LINGO2: variants seen among roughly 807,000 people sequenced by gnomAD.
LINGO2 encodes the protein leucine-rich repeat and immunoglobulin-like domain-containing nogo receptor-interacting protein 2.
LINGO2 carries 14 observed loss-of-function variants against 30.6 expected under a neutral mutation model. The ratio of observed to expected loss-of-function variants is 0.46; its 90% CI spans 0.30 to 0.72. LINGO2 has a LOEUF of 0.72. Among genes scored for constraint, LINGO2 ranks in the 30% least tolerant of loss-of-function variants. LINGO2 has a pLI of 0.07. For missense variants in LINGO2, 729 were observed against 751.7 expected, an observed-to-expected ratio of 0.97 and a Z score of 0.35; for synonymous variants, 317 against 288.5, an observed-to-expected ratio of 1.10 and a Z score of -1.00.
chr9:28,815,559 A>C, the LINGO2 span, among the ~76,000 whole-genome samples: 11 of 152,142 alleles, frequency 7.2e-5, no homozygotes, highest in South Asian at 2.3e-3. Flanking sequence ...CAAGGCTAAC[A>C]CTCACCTCTA....
At chr9:28,403,051 A>T (rs1020364414) in intron 2 of LINGO2, among the ~76,000 whole-genome samples, 3 of 152,180 alleles carry the variant, frequency 2.0e-5, no homozygotes, top group African/African-American at 7.2e-5. Context: ...AATAAATGAG[A>T]TAACACATGT....
chr9:28,318,200 T>A (rs1824913810), intron 3 of LINGO2, among the ~76,000 whole-genome samples: 1 of 152,110 alleles, frequency 6.6e-6, no homozygotes, highest in Non-Finnish European at 1.5e-5. Context: ...ACCTAAGAAA[T>A]GCAAAGGAAA....
the LINGO2 span, among the ~76,000 whole-genome samples, chr9:29,117,977 T>G: frequency 7.2e-5 from 11 of 152,312 alleles, no homozygotes; most frequent in South Asian, 2.1e-4. Context: ...TATCAGGATC[T>G]CAGATCGCTG....
the LINGO2 span, among the ~76,000 whole-genome samples, chr9:28,867,639 C>T: frequency 6.6e-6 from 1 of 152,116 alleles, no homozygotes; most frequent in Non-Finnish European, 1.5e-5. Flanking sequence ...TGTATTACTT[C>T]ATTTATTTCT....
the LINGO2 span, among the ~76,000 whole-genome samples, chr9:28,703,066 A>C: frequency 3.3e-5 from 5 of 151,218 alleles, no homozygotes; most frequent in Non-Finnish European, 7.4e-5. Flanking sequence ...CTTTTGAAAA[A>C]CTACGTTTTT....
At chr9:28,325,315 G>T (rs1455672216) in intron 3 of LINGO2, among the ~76,000 whole-genome samples, 3 of 151,906 alleles carry the variant, frequency 2.0e-5, no homozygotes, top group Non-Finnish European at 1.5e-5. Context: ...CTTTTTTAAG[G>T]ACCTAGGAGT....
At chr9:28,978,345 A>C in the LINGO2 span, among the ~76,000 whole-genome samples, 1 of 152,130 alleles carries the variant, frequency 6.6e-6, no homozygotes, top group African/African-American at 2.4e-5. Flanking sequence ...CTAGATTAAC[A>C]GCCAATAGTA....
At chr9:28,191,100 C>A (rs1258012837) in intron 4 of LINGO2, among the ~76,000 whole-genome samples, 1 of 152,096 alleles carries the variant, frequency 6.6e-6, no homozygotes. Flanking sequence ...CAACCAGTCC[C>A]AAATCATATT....
chr9:28,060,885 C>T (rs1466866840), intron 4 of LINGO2, among the ~76,000 whole-genome samples: 2 of 152,052 alleles, frequency 1.3e-5, no homozygotes, highest in Non-Finnish European at 2.9e-5. Context: ...AAATGCCATG[C>T]TCCTTTCTCT....
chr9:28,991,471 T>C, the LINGO2 span, among the ~76,000 whole-genome samples: 3 of 146,312 alleles, frequency 2.1e-5, no homozygotes, highest in Non-Finnish European at 4.5e-5. Flanking sequence ...ACTTCCCCAA[T>C]CTAGCAAGGC....
At position 28,454,319 on chromosome 9, in the gene LINGO2, T is replaced by TAA. The variant is rs1199350191; in HGVS notation, c.-279+21619_-279+21620dup. Among the ~76,000 whole-genome samples, 16 of 152,160 alleles carry TAA rather than the reference T, an allele frequency of 1.1e-4. No individual in the cohort carries two copies. The East Asian group carries it at 3.1e-3, about 29-fold the overall frequency. ...GTTTTTCAACTTTTGCACTTATTTT[T>TAA]AAGCTGTGTCTCTGTTACCTCTCCT... On this transcript the variant is annotated intron_variant, in intron 2 of 5. Coordinates refer to ENST00000379992, the Ensembl canonical transcript of LINGO2.
At chr9:28,481,459 A>G (rs1262272440) in intron 1 of LINGO2, among the ~76,000 whole-genome samples, 2 of 152,006 alleles carry the variant, frequency 1.3e-5, no homozygotes, top group Non-Finnish European at 2.9e-5. Context: ...CTCTGAAGAC[A>G]GATTTGTGCA....
At chr9:28,122,902 C>A (rs909201298) in intron 4 of LINGO2, among the ~76,000 whole-genome samples, 1 of 152,202 alleles carries the variant, frequency 6.6e-6, no homozygotes, top group African/African-American at 2.4e-5. Context: ...ATGCCTACTG[C>A]TGACTGATTT....
the LINGO2 span, among the ~76,000 whole-genome samples, chr9:29,210,383 A>G: frequency 6.6e-6 from 1 of 152,204 alleles, no homozygotes; most frequent in Admixed American, 6.5e-5. Flanking sequence ...AATACATTTG[A>G]GCCCTAAATA....
intron 4 of LINGO2, among the ~76,000 whole-genome samples, chr9:28,056,314 C>T (rs1242667728): frequency 6.6e-6 from 1 of 152,150 alleles, no homozygotes; most frequent in African/African-American, 2.4e-5. Context: ...AGTTTGCTGA[C>T]ATTTTGCATT....
chr9:28,859,309 A>C, the LINGO2 span, among the ~76,000 whole-genome samples: 3 of 152,074 alleles, frequency 2.0e-5, no homozygotes, highest in Non-Finnish European at 2.9e-5. Flanking sequence ...CACTGATTAC[A>C]GTGCTGCTCA....
At chr9:28,514,495 T>G (rs559122824) in intron 1 of LINGO2, among the ~76,000 whole-genome samples, 1 of 152,200 alleles carries the variant, frequency 6.6e-6, no homozygotes, top group Non-Finnish European at 1.5e-5. Context: ...ATTGCTGATA[T>G]AGAGAAAGTT....
At chr9:28,854,321 C>T in the LINGO2 span, among the ~76,000 whole-genome samples, 1 of 151,960 alleles carries the variant, frequency 6.6e-6, no homozygotes, top group Admixed American at 6.6e-5. Context: ...CTACATTAAA[C>T]AATGGGTTAT....
intron 1 of LINGO2, among the ~76,000 whole-genome samples, chr9:28,628,368 G>A (rs1826780852): frequency 5.9e-5 from 9 of 152,108 alleles, no homozygotes. Context: ...GTCAGAGTTT[G>A]CAGACAATAA....
Sources: gnomAD v4.1 joint callset for allele counts (sites outside exome capture counted in the v4.1 genomes callset) on GRCh38, gnomAD v4.1.1 for gene constraint, MANE v1.5 for transcripts, NCBI Gene and HGNC (gene_info 2026-07-23, HGNC 2026-07-21) for gene names.